WLS: variants seen among roughly 807,000 people sequenced by gnomAD.
The protein encoded by WLS is Wnt ligand secretion mediator, also known as protein wntless homolog.
A neutral mutation model predicts 62.8 loss-of-function variants in WLS; 23 were observed. The ratio of observed to expected loss-of-function variants is 0.37; its 90% CI spans 0.26 to 0.52. The LOEUF is 0.52. WLS is among the 20% of genes least tolerant of loss of function. The probability of loss-of-function intolerance (pLI) is 0.92; values close to 1 mark genes in which losing one functional copy is unlikely to be tolerated. For missense variants in WLS, 615 were observed against 697.3 expected, an observed-to-expected ratio of 0.88 and a Z score of 1.33; for synonymous variants, 246 against 244.1, an observed-to-expected ratio of 1.01 and a Z score of -0.07.
At chr1:68,147,211 T>C (rs1646763895) in intron 8 of WLS, among the ~76,000 whole-genome samples, 1 of 152,234 alleles carries the variant, frequency 6.6e-6, no homozygotes, top group South Asian at 2.1e-4. Flanking sequence ...GAAATTTTAC[T>C]CACTCCATCC....
In WLS at chr1:68,162,584, C is replaced by T. The variant is rs976976941; in HGVS notation, c.380-3337G>A. 3 of 1,484,668 alleles carry T rather than the reference C, an allele frequency of 2.0e-6. No homozygotes were observed. In the African/African-American group the frequency reaches 4.1e-5, roughly 20 times the overall value. The allele number at this position is 1,484,668 out of a possible 1,614,324, so 92.0% of individuals were successfully genotyped here. A position where few individuals can be genotyped will look rare whatever the true frequency, so the allele number is the denominator to read the frequency against. On this transcript the variant is annotated intron_variant, in intron 2 of 11. Coordinates refer to ENST00000262348, the MANE Select transcript of WLS (RefSeq NM_024911.7). ...ATGCTGGCCGATCCCGAGGCCAACT[C>T]GCGGTTCTGCTCCATGCTCTGAACC...
intron 11 of WLS, among the ~76,000 whole-genome samples, chr1:68,103,706 G>A (rs1409493350): frequency 1.3e-5 from 2 of 152,200 alleles, no homozygotes; most frequent in Non-Finnish European, 2.9e-5. Context: ...GGTGGTCTAA[G>A]CATAGGAGCA....
intron 1 of WLS, among the ~76,000 whole-genome samples, chr1:68,209,858 A>C (rs1292454367): frequency 6.6e-6 from 1 of 152,184 alleles, no homozygotes; most frequent in Non-Finnish European, 1.5e-5. Context: ...AAATTAAAAT[A>C]ACTCATCCAA....
chr1:68,163,443 C>G (rs1647014624), intron 2 of WLS, among the ~76,000 whole-genome samples: 1 of 152,078 alleles, frequency 6.6e-6, no homozygotes, highest in Admixed American at 6.5e-5. Context: ...GTGCAGCCTC[C>G]CCTCAGCGCA....
At chr1:68,100,905 A>G (rs1230135299) in intron 11 of WLS, 3 of 152,246 alleles carry the variant, frequency 2.0e-5, no homozygotes, top group Non-Finnish European at 4.4e-5. Context: ...CATGGGACAC[A>G]TGCAACATGC....
At chr1:68,227,061 G>A (rs12563946) in intron 1 of WLS, among the ~76,000 whole-genome samples, 23,340 of 152,106 alleles carry the variant, frequency 0.15, 2,225 homozygotes, top group East Asian at 0.42. Context: ...GGGAAAGTTC[G>A]AATAGAAGTC....
At chr1:68,147,955 G>C (rs1646773831) in intron 8 of WLS, among the ~76,000 whole-genome samples, 181 bp downstream of exon 8, 1 of 152,226 alleles carries the variant, frequency 6.6e-6, no homozygotes, top group Admixed American at 6.5e-5. Context: ...TCTCACCCAG[G>C]CTTGAAAGCA....
intron 1 of WLS, among the ~76,000 whole-genome samples, chr1:68,213,384 G>A (rs957088677): frequency 1.3e-5 from 2 of 149,484 alleles, no homozygotes; most frequent in African/African-American, 4.9e-5. Flanking sequence ...CCGGGACGCA[G>A]AGGTTGCAGT....
chr1:68,182,511 C>G (rs1000783532), intron 2 of WLS, among the ~76,000 whole-genome samples: 7 of 152,300 alleles, frequency 4.6e-5, no homozygotes, highest in African/African-American at 1.7e-4. Flanking sequence ...AGTTTTCTCC[C>G]ATGATTTCAG....
intron 2 of WLS, among the ~76,000 whole-genome samples, chr1:68,159,856 A>C (rs1218540741): frequency 1.3e-5 from 2 of 152,244 alleles, no homozygotes; most frequent in Non-Finnish European, 2.9e-5. Context: ...TGTAAAAGGC[A>C]AAGTGTTTTT....
intron 1 of WLS, chr1:68,231,918 G>A: frequency 8.5e-6 from 4 of 472,210 alleles, no homozygotes; most frequent in South Asian, 6.9e-5. Context: ...GCGATCCGTC[G>A]CCATGCTTAA....
chr1:68,224,429 T>C (rs1228289488), intron 1 of WLS, among the ~76,000 whole-genome samples: 1 of 152,164 alleles, frequency 6.6e-6, no homozygotes, highest in African/African-American at 2.4e-5. Flanking sequence ...CACATCCTCA[T>C]TACACTCCCA....
At chr1:68,103,693 C>G (rs1646107362) in intron 11 of WLS, among the ~76,000 whole-genome samples, 2 of 152,032 alleles carry the variant, frequency 1.3e-5, no homozygotes, top group Admixed American at 6.5e-5. Flanking sequence ...CAGAAGAGGC[C>G]AGGGTGGTCT....
intron 1 of WLS, among the ~76,000 whole-genome samples, chr1:68,227,959 C>T (rs1158142500): frequency 6.6e-6 from 1 of 152,156 alleles, no homozygotes; most frequent in Non-Finnish European, 1.5e-5. Flanking sequence ...CAAAAGCTCA[C>T]ATAAATGGGT....
chr1:68,199,770 G>A lies in WLS; in HGVS notation c.107-5543C>T, dbSNP rs74081603. 2.2e-3 allele frequency among the ~76,000 whole-genome samples: 334 copies of A among 152,234 alleles called. 2 individuals carry two copies. Among genetic ancestry groups the A allele is most frequent in the African/African-American group, 7.7e-3 (321 of 41,546 alleles). On this transcript the variant is annotated intron_variant, in intron 1 of 11. Coordinates refer to ENST00000262348, the MANE Select transcript of WLS (RefSeq NM_024911.7). ...CAAAGAACTTTTATTTGGCAGGAATGTTTCCTTTTATGACACCTATCTCTG... is the reference window on the plus strand; with the variant it reads ...CAAAGAACTTTTATTTGGCAGGAATATTTCCTTTTATGACACCTATCTCTG...
intron 11 of WLS, among the ~76,000 whole-genome samples, chr1:68,107,787 CAT>C (rs985656813): frequency 3.1e-4 from 47 of 152,238 alleles, no homozygotes; most frequent in African/African-American, 1.1e-3. Flanking sequence ...GGAAATGAGA[CAT>C]GTGGATAATC....
At chr1:68,208,758 G>T (rs763306504) in intron 1 of WLS, among the ~76,000 whole-genome samples, 3 of 152,142 alleles carry the variant, frequency 2.0e-5, no homozygotes, top group African/African-American at 7.2e-5. Flanking sequence ...TCATGCAAAC[G>T]TTAGGCAGAA....
chr1:68,206,524 C>G (rs1478982462), intron 1 of WLS, among the ~76,000 whole-genome samples: 1 of 152,110 alleles, frequency 6.6e-6, no homozygotes, highest in African/African-American at 2.4e-5. Context: ...GGAAAGGTGA[C>G]TTTTAGGGTC....
intron 11 of WLS, among the ~76,000 whole-genome samples, chr1:68,106,687 C>A (rs1360765049): frequency 6.6e-6 from 1 of 151,552 alleles, no homozygotes; most frequent in Non-Finnish European, 1.5e-5. Flanking sequence ...CCAAGGGGCA[C>A]CTGGAAACGC....
Sources: gnomAD v4.1 joint callset for allele counts (sites outside exome capture counted in the v4.1 genomes callset) on GRCh38, gnomAD v4.1.1 for gene constraint, MANE v1.5 for transcripts, NCBI Gene and HGNC (gene_info 2026-07-23, HGNC 2026-07-21) for gene names.